The following SERPINB5 variants were observed in gnomAD, a reference collection of about 807,000 sequenced individuals.
SERPINB5 encodes the protein serpin B5.
In SERPINB5, 27 loss-of-function variants were observed where a neutral mutation model predicts 32.2. The ratio of observed to expected loss-of-function variants is 0.84; its 90% confidence interval spans 0.62 to 1.16. The LOEUF is 1.16. Among genes scored for constraint, SERPINB5 ranks in the 50% most tolerant of loss-of-function variants. The pLI, the probability that SERPINB5 is intolerant of heterozygous loss-of-function variation, is 0.00. For synonymous variants in SERPINB5, 154 were observed against 157.4 expected, an observed-to-expected ratio of 0.98 and a Z score of 0.16; for missense variants, 388 against 436.3, an observed-to-expected ratio of 0.89 and a Z score of 0.99.
chr18:63,487,019 G>T lies in SERPINB5; in HGVS notation c.242G>T (p.Ser81Ile). Residue 81 changes from serine (S) to isoleucine (I), a missense_variant, in exon 3 of 7, where the codon AGT becomes ATT. By Grantham distance (142) the Ser-to-Ile change is moderately radical. Coordinates refer to ENST00000382771, the MANE Select transcript of SERPINB5 (RefSeq NM_002639.5). ...GTAACATCGGATGTAAACAAACTTA[G>T]TTCCTTTTACTCACTGAAACTAATC... ...QTVTSDVNKLSSFYSLKLIKR... is the reference protein window; with the variant it reads ...QTVTSDVNKLISFYSLKLIKR... 5 of 1,614,076 alleles carry T rather than the reference G, an allele frequency of 3.1e-6. No homozygotes were observed. Among genetic ancestry groups the T allele is most frequent in the Non-Finnish European group, 4.2e-6 (5 of 1,179,958 alleles).
chr18:63,484,545 G>A lies in SERPINB5; in HGVS notation c.117G>A (p.Leu39=). The part of the protein sequence containing the change: ...LFSPICLSTS[L]SLAQVGAKGD... Reference sequence around the variant, plus strand: ...CTCCAATCTGTCTCTCCACCTCTCTGTCACTTGCTCAAGTGGGTGCTAAAG... The same window carrying A: ...CTCCAATCTGTCTCTCCACCTCTCTATCACTTGCTCAAGTGGGTGCTAAAG... Residue 39 remains leucine, a synonymous_variant, in exon 2 of 7, where the codon CTG becomes CTA. Transcript: ENST00000382771. 1 of 1,614,062 alleles carries A rather than the reference G, an allele frequency of 6.2e-7. No homozygotes were observed. The highest frequency in any genetic ancestry group is 8.5e-7 in the Non-Finnish European group (1 of 1,180,012).
chr18:63,481,015 A>G (rs1389043551), intron 1 of SERPINB5, among the ~76,000 whole-genome samples: 1 of 152,212 alleles, frequency 6.6e-6, no homozygotes, highest in East Asian at 1.9e-4. Flanking sequence ...CATGCAAAGG[A>G]AGGGACTCAC....
intron 2 of SERPINB5, among the ~76,000 whole-genome samples, 174 bp downstream of exon 2, chr18:63,484,770 C>G (rs577451827): frequency 7.5e-5 from 2 of 26,704 alleles, no homozygotes; most frequent in South Asian, 8.3e-4. Context: ...TTTTGTGAGA[C>G]AGGGTCCCAC....
intron 4 of SERPINB5, 84 bp from the exon 5 acceptor site, chr18:63,492,869 A>G: frequency 6.6e-7 from 1 of 1,517,942 alleles, no homozygotes; most frequent in Admixed American, 1.9e-5. Flanking sequence ...TGAAGTGGTA[A>G]ATACTCAGTG....
intron 1 of SERPINB5, among the ~76,000 whole-genome samples, chr18:63,478,906 C>T (rs1334549254): frequency 6.6e-6 from 1 of 152,014 alleles, no homozygotes; most frequent in South Asian, 2.1e-4. Context: ...ATGACAGGCA[C>T]GTGCCACCAC....
intron 1 of SERPINB5, among the ~76,000 whole-genome samples, chr18:63,479,071 T>C (rs1917083009): frequency 6.6e-6 from 1 of 152,030 alleles, no homozygotes; most frequent in Non-Finnish European, 1.5e-5. Flanking sequence ...AAAGTTAAGG[T>C]TTTAAGGGAT....
intron 1 of SERPINB5, among the ~76,000 whole-genome samples, chr18:63,480,256 G>C (rs1325845164): frequency 6.6e-6 from 1 of 152,218 alleles, no homozygotes; most frequent in East Asian, 1.9e-4. Context: ...AACTGCATTT[G>C]TATTACTGCT....
intron 1 of SERPINB5, among the ~76,000 whole-genome samples, chr18:63,481,017 G>A (rs1053187965): frequency 6.6e-6 from 1 of 152,206 alleles, no homozygotes; most frequent in Non-Finnish European, 1.5e-5. Context: ...TGCAAAGGAA[G>A]GGACTCACTC....
intron 4 of SERPINB5, among the ~76,000 whole-genome samples, chr18:63,490,254 C>T (rs958814240): frequency 6.6e-6 from 1 of 152,038 alleles, no homozygotes; most frequent in Non-Finnish European, 1.5e-5. Flanking sequence ...CCGCAGCTCC[C>T]CATGCTGGTC....
At chr18:63,492,860 G>T in intron 4 of SERPINB5, 93 bp from the exon 5 acceptor site, 1 of 1,472,080 alleles carries the variant, frequency 6.8e-7, no homozygotes. Flanking sequence ...GTGACTCCAT[G>T]AAGTGGTAAA....
In SERPINB5 at chr18:63,502,192, G is replaced by A. The variant is rs1480384137; in HGVS notation, c.736-1138G>A. Among the ~76,000 whole-genome samples, 60 of 149,040 alleles carry A rather than the reference G, an allele frequency of 4.0e-4. No homozygotes were observed. The Admixed American group carries it at 4.0e-3, about 10-fold the overall frequency. On this transcript the variant is annotated intron_variant, in intron 6 of 6. Transcript: ENST00000382771. ...GCTCTGTCCCCCAGGCTGGAGTGCAGTGGCATGATCTCAGCTCACTGCAAG... is the reference window on the plus strand; with the variant it reads ...GCTCTGTCCCCCAGGCTGGAGTGCAATGGCATGATCTCAGCTCACTGCAAG...
At chr18:63,495,056 A>G (rs994875072) in intron 5 of SERPINB5, among the ~76,000 whole-genome samples, 17 of 152,214 alleles carry the variant, frequency 1.1e-4, no homozygotes, top group African/African-American at 4.1e-4. Flanking sequence ...GATGACTGTT[A>G]CTGCTCCTTA....
rs138019543 is a variant in SERPINB5, at chr18:63,486,947, T to G, written c.170T>G (p.Val57Gly). 2.2e-5 allele frequency: 35 copies of G among 1,614,034 alleles called. No homozygotes were observed. Among genetic ancestry groups the G allele is most frequent in the Non-Finnish European group, 2.7e-5 (32 of 1,179,966 alleles). The change falls in exon 3 of 7, where the codon GTT (valine) becomes GGT (glycine). Residue 57 changes from valine to glycine, a missense_variant and splice_region_variant. Coordinates refer to ENST00000382771, the MANE Select transcript of SERPINB5 (RefSeq NM_002639.5). ...GGTAACGGATTTTTCTCTTAACAGG[T>G]TCTTCATTTTGAAAATGTCAAAGAT... ...KGDTANEIGQ[V>G]LHFENVKDVP...
intron 2 of SERPINB5, chr18:63,485,847 T>C (rs543189537): frequency 2.1e-4 from 32 of 153,090 alleles, no homozygotes; most frequent in Admixed American, 1.7e-3. Flanking sequence ...ATGTAATTCA[T>C]TGGGACAATG....
intron 5 of SERPINB5, 57 bp downstream of exon 5, chr18:63,493,152 T>C (rs2289521): frequency 0.58 from 931,300 of 1,610,130 alleles, 279,941 homozygotes; most frequent in Non-Finnish European, 0.63. Context: ...TGAAAAATGA[T>C]AGGGACAGAG....
At position 63,504,590 on chromosome 18, in the gene SERPINB5, A is replaced by C. The variant is rs1379785463; in HGVS notation, c.*868A>C. The stretch of plus-strand genomic sequence containing the variant: ...AAGAGGAAGTTCAGATCTTAATATA[A>C]ATTCACTTTCATTTTTGATAGCTGT... On this transcript the variant is annotated 3_prime_UTR_variant, in exon 7 of 7. Transcript: ENST00000382771. 1 of 152,112 alleles carries C rather than the reference A, an allele frequency of 6.6e-6. No homozygotes were observed. Among genetic ancestry groups the C allele is most frequent in the Non-Finnish European group, 1.5e-5 (1 of 68,018 alleles). The allele number at this position is 152,112 out of a possible 1,614,324, so 9.4% of individuals were successfully genotyped here.
chr18:63,490,950 A>G (rs923511156), intron 4 of SERPINB5, among the ~76,000 whole-genome samples: 1 of 152,062 alleles, frequency 6.6e-6, no homozygotes, highest in Non-Finnish European at 1.5e-5. Context: ...ACTGTGTGCA[A>G]TGTGTAGTCT....
chr18:63,493,857 A>T (rs987870535), intron 5 of SERPINB5, among the ~76,000 whole-genome samples: 1 of 79,562 alleles, frequency 1.3e-5, no homozygotes, highest in African/African-American at 6.5e-5. Flanking sequence ...ACTCCACCTC[A>T]AGAAAAACAA....
At chr18:63,492,811 C>T (rs1295659481) in intron 4 of SERPINB5, 142 bp from the exon 5 acceptor site, 2 of 1,023,476 alleles carry the variant, frequency 2.0e-6, no homozygotes, top group African/African-American at 3.2e-5. Flanking sequence ...AGGAGTCCTT[C>T]TGAAATTTGA....
Sources: allele counts gnomAD v4.1 joint callset (sites outside exome capture counted in the v4.1 genomes callset), GRCh38; gene constraint gnomAD v4.1.1; transcripts MANE v1.5; gene names NCBI Gene and HGNC (gene_info 2026-07-23, HGNC 2026-07-21).